Variants in LRRTM4 observed in about 807,000 individuals in gnomAD.
LRRTM4 encodes leucine-rich repeat transmembrane neuronal protein 4.
Under a neutral mutation model 47.6 loss-of-function variants are expected in LRRTM4, and 25 were observed. The ratio of observed to expected loss-of-function variants is 0.53; its 90% CI spans 0.38 to 0.73. The LOEUF (loss-of-function observed/expected upper bound fraction) is 0.73, where lower values mean the gene tolerates loss of function less well. Ranked by LOEUF, LRRTM4 falls within the 30% of genes least tolerant of loss-of-function variation. The pLI is 0.00. For synonymous variants in LRRTM4, 311 were observed against 269.5 expected, an observed-to-expected ratio of 1.15 and a Z score of -1.51; for missense variants, 638 against 713.4, an observed-to-expected ratio of 0.89 and a Z score of 1.20.
chr2:77,154,920 A>G (rs958922853), intron 3 of LRRTM4, among the ~76,000 whole-genome samples: 1 of 152,148 alleles, frequency 6.6e-6, no homozygotes, highest in African/African-American at 2.4e-5. Context: ...GGAATTAACA[A>G]TGGTATCTTT....
intron 3 of LRRTM4, among the ~76,000 whole-genome samples, chr2:76,786,400 A>T (rs1490464317): frequency 6.6e-6 from 1 of 152,082 alleles, no homozygotes; most frequent in Non-Finnish European, 1.5e-5. Flanking sequence ...GACTCCTAAC[A>T]TTTTTTTAAC....
At chr2:77,099,203 T>C (rs1390347284) in intron 3 of LRRTM4, among the ~76,000 whole-genome samples, 2 of 151,962 alleles carry the variant, frequency 1.3e-5, no homozygotes, top group Non-Finnish European at 2.9e-5. Context: ...GTATTAATTA[T>C]CATATACAAA....
chr2:76,995,034 G>T (rs1294371608), intron 3 of LRRTM4, among the ~76,000 whole-genome samples: 2 of 151,950 alleles, frequency 1.3e-5, no homozygotes, highest in Non-Finnish European at 2.9e-5. Context: ...TAACTGACAA[G>T]TCTGTCTTAT....
chr2:77,429,949 C>A (rs561181437), intron 3 of LRRTM4, among the ~76,000 whole-genome samples: 3 of 152,158 alleles, frequency 2.0e-5, no homozygotes, highest in Non-Finnish European at 4.4e-5. Context: ...GCCTGTAATT[C>A]CAGATACTCA....
At chr2:77,156,334 AAC>A (rs1491053070) in intron 3 of LRRTM4, among the ~76,000 whole-genome samples, 4 of 151,558 alleles carry the variant, frequency 2.6e-5, no homozygotes, top group Non-Finnish European at 5.9e-5. Flanking sequence ...TACAAAAAAA[AAC>A]AGAAAAAAGT....
At chr2:77,025,402 A>G (rs1215683705) in intron 3 of LRRTM4, among the ~76,000 whole-genome samples, 1 of 152,142 alleles carries the variant, frequency 6.6e-6, no homozygotes, top group East Asian at 1.9e-4. Flanking sequence ...GGTCTTGGGT[A>G]TGCTGAGATG....
At chr2:77,412,530 T>G (rs1414166405) in intron 3 of LRRTM4, among the ~76,000 whole-genome samples, 1 of 152,198 alleles carries the variant, frequency 6.6e-6, no homozygotes, top group African/African-American at 2.4e-5. Context: ...TGTGAATTAC[T>G]CCTTGTAAAA....
chr2:77,288,456 T>C (rs1342606701), intron 3 of LRRTM4, among the ~76,000 whole-genome samples: 1 of 151,808 alleles, frequency 6.6e-6, no homozygotes, highest in Non-Finnish European at 1.5e-5. Flanking sequence ...GAAAGATAAA[T>C]ATAAAAGGAA....
chr2:76,885,049 T>C (rs1273334616), intron 3 of LRRTM4, among the ~76,000 whole-genome samples: 2 of 152,092 alleles, frequency 1.3e-5, no homozygotes, highest in Non-Finnish European at 2.9e-5. Context: ...AAAATACTTA[T>C]AATAAATATT....
chr2:77,388,897 A>G (rs1188925013), intron 3 of LRRTM4, among the ~76,000 whole-genome samples: 2 of 152,066 alleles, frequency 1.3e-5, no homozygotes, highest in African/African-American at 4.8e-5. Context: ...TATATAATGC[A>G]AGTATTCTGT....
chr2:77,025,090 A>C (rs553316666), intron 3 of LRRTM4, among the ~76,000 whole-genome samples: 1 of 152,152 alleles, frequency 6.6e-6, no homozygotes, highest in Non-Finnish European at 1.5e-5. Context: ...AATTAGTGGG[A>C]ATTTATATCA....
chr2:77,232,094 C>CA (rs1204390708), intron 3 of LRRTM4, among the ~76,000 whole-genome samples: 1 of 152,050 alleles, frequency 6.6e-6, no homozygotes, highest in African/African-American at 2.4e-5. Context: ...CTTCTTGTAT[C>CA]AAAAAAGTAG....
At chr2:76,858,297 C>G (rs1672213446) in intron 3 of LRRTM4, among the ~76,000 whole-genome samples, 1 of 152,180 alleles carries the variant, frequency 6.6e-6, no homozygotes, top group Non-Finnish European at 1.5e-5. Flanking sequence ...GACCCTCCCA[C>G]AAGTAAGGGA....
At chr2:76,827,142 G>A (rs1217380306) in intron 3 of LRRTM4, among the ~76,000 whole-genome samples, 5 of 151,844 alleles carry the variant, frequency 3.3e-5, no homozygotes, top group African/African-American at 1.2e-4. Context: ...TTAGACTGCA[G>A]AGGAGATAAT....
intron 3 of LRRTM4, among the ~76,000 whole-genome samples, chr2:77,082,901 T>C (rs1420636662): frequency 6.6e-6 from 1 of 152,146 alleles, no homozygotes; most frequent in East Asian, 1.9e-4. Flanking sequence ...CACATTACTT[T>C]AGAAGAACGA....
intron 3 of LRRTM4, among the ~76,000 whole-genome samples, chr2:77,388,001 C>G (rs1375695244): frequency 9.2e-5 from 14 of 151,904 alleles, no homozygotes; most frequent in Admixed American, 9.2e-4. Flanking sequence ...TGTTCTTTTT[C>G]TGCTCAGATC....
Position 76,990,034 on chromosome 2 carries a change from C to T in LRRTM4, c.1552-241118G>A, listed in dbSNP as rs144622401. The T allele has an allele frequency of 4.6e-5, 7 of 151,758 alleles. No homozygotes were observed. In the East Asian group the frequency reaches 1.4e-3, roughly 30 times the overall value. The allele number at this position is 151,758 out of a possible 1,614,324, so 9.4% of individuals were successfully genotyped here. A position where few individuals can be genotyped will look rare whatever the true frequency, so the allele number is the denominator to read the frequency against. ...TTATTTAGTTTAGGGAGAGGTAATA[C>T]CCCATGAAGTTTCAGCATCCATAAA... is the stretch of plus-strand genomic sequence containing the variant. On this transcript the variant is annotated intron_variant, in intron 3 of 3. Coordinates refer to ENST00000409884, the MANE Select transcript of LRRTM4 (RefSeq NM_001134745.3).
chr2:77,496,125 G>A (rs1678354409), intron 3 of LRRTM4, among the ~76,000 whole-genome samples: 1 of 151,742 alleles, frequency 6.6e-6, no homozygotes, highest in South Asian at 2.1e-4. Flanking sequence ...ACTATGAATG[G>A]AATGTTTTTA....
intron 3 of LRRTM4, among the ~76,000 whole-genome samples, chr2:77,128,781 A>G (rs1186511269): frequency 6.6e-6 from 1 of 151,972 alleles, no homozygotes; most frequent in Non-Finnish European, 1.5e-5. Context: ...CTGGGATTAC[A>G]GGCGCCCACC....
Sources: allele counts gnomAD v4.1 joint callset (sites outside exome capture counted in the v4.1 genomes callset), GRCh38; gene constraint gnomAD v4.1.1; transcripts MANE v1.5; gene names NCBI Gene and HGNC (gene_info 2026-07-23, HGNC 2026-07-21).